The following FAM110B variants were observed in gnomAD, a reference collection of about 807,000 sequenced individuals.
FAM110B encodes the protein protein FAM110B.
In FAM110B, 6 loss-of-function variants were observed where a neutral mutation model predicts 20.4. The ratio of observed to expected loss-of-function variants is 0.29; its 90% CI spans 0.16 to 0.58. FAM110B has a LOEUF of 0.58. Among genes scored for constraint, FAM110B ranks in the 20% least tolerant of loss-of-function variants. The probability of loss-of-function intolerance (pLI) is 0.90; values close to 1 mark genes in which losing one functional copy is unlikely to be tolerated. For missense variants in FAM110B, 434 were observed against 498.2 expected (o/e 0.87, Z 1.23); for synonymous variants, 226 against 214.1 (o/e 1.06, Z -0.49).
chr8:58,138,546 C>A (rs750360055), intron 3 of FAM110B, among the ~76,000 whole-genome samples: 3 of 152,112 alleles, frequency 2.0e-5, no homozygotes, highest in Non-Finnish European at 4.4e-5. Context: ...TTGAATTCAG[C>A]CCCAGCCAGT....
intron 3 of FAM110B, among the ~76,000 whole-genome samples, chr8:58,110,421 T>C (rs1807031747): frequency 6.6e-6 from 1 of 152,186 alleles, no homozygotes; most frequent in East Asian, 1.9e-4. Context: ...AAAATTTAAA[T>C]TTCTTCTTTG....
chr8:58,080,429 G>A (rs1806161384), intron 3 of FAM110B, among the ~76,000 whole-genome samples: 1 of 152,220 alleles, frequency 6.6e-6, no homozygotes. Flanking sequence ...ACAGGTGAAA[G>A]AGAGGAGATT....
At chr8:58,047,596 CT>C (rs1415953249) in intron 2 of FAM110B, among the ~76,000 whole-genome samples, 39 of 114,334 alleles carry the variant, frequency 3.4e-4, no homozygotes, top group African/African-American at 1.9e-3. Flanking sequence ...TTTTTCCTCT[CT>C]CTCTCTCTCT....
At chr8:58,097,143 A>C (rs192502001) in intron 3 of FAM110B, among the ~76,000 whole-genome samples, 1 of 152,070 alleles carries the variant, frequency 6.6e-6, no homozygotes, top group Non-Finnish European at 1.5e-5. Context: ...GTGTTTTCCA[A>C]CTTGGTTCCA....
At chr8:58,010,065 G>A (rs1804496874) in intron 1 of FAM110B, among the ~76,000 whole-genome samples, 1 of 152,254 alleles carries the variant, frequency 6.6e-6, no homozygotes. Context: ...CATCCAGGCT[G>A]GAGTGCAGTG....
chr8:58,002,765 C>T (rs1482676383), intron 1 of FAM110B, among the ~76,000 whole-genome samples: 1 of 152,184 alleles, frequency 6.6e-6, no homozygotes, highest in East Asian at 1.9e-4. Flanking sequence ...AATTAAAATA[C>T]TTTATTGCTA....
chr8:58,015,210 A>G (rs1477106821), intron 1 of FAM110B, among the ~76,000 whole-genome samples: 1 of 152,058 alleles, frequency 6.6e-6, no homozygotes, highest in Non-Finnish European at 1.5e-5. Flanking sequence ...ACAAAAAATT[A>G]GCTGGGCATG....
intron 3 of FAM110B, among the ~76,000 whole-genome samples, chr8:58,098,000 C>T (rs916702092): frequency 2.0e-5 from 3 of 152,196 alleles, no homozygotes; most frequent in African/African-American, 4.8e-5. Flanking sequence ...TGACTGTCCC[C>T]CAGTCAGGAG....
At chr8:57,996,528 T>G (rs1350782426) in intron 1 of FAM110B, among the ~76,000 whole-genome samples, 1 of 152,218 alleles carries the variant, frequency 6.6e-6, no homozygotes, top group African/African-American at 2.4e-5. Flanking sequence ...GAGGGTTGAT[T>G]TAATTCATCT....
intron 1 of FAM110B, among the ~76,000 whole-genome samples, chr8:58,002,698 T>G (rs1338784621): frequency 6.6e-6 from 1 of 152,236 alleles, no homozygotes; most frequent in Non-Finnish European, 1.5e-5. Flanking sequence ...GCTTAAACTA[T>G]ACTGTAGTCT....
At chr8:58,022,956 G>A (rs1487967969) in intron 1 of FAM110B, among the ~76,000 whole-genome samples, 1 of 152,182 alleles carries the variant, frequency 6.6e-6, no homozygotes, top group Admixed American at 6.5e-5. Context: ...CTTTCAAACA[G>A]ATTATATGAG....
At chr8:58,020,800 A>G (rs1453684670) in intron 1 of FAM110B, among the ~76,000 whole-genome samples, 1 of 152,178 alleles carries the variant, frequency 6.6e-6, no homozygotes, top group African/African-American at 2.4e-5. Flanking sequence ...TTGTTCTTCT[A>G]GCATCCAATC....
At chr8:58,085,890 A>G (rs1380217551) in intron 3 of FAM110B, among the ~76,000 whole-genome samples, 3 of 152,224 alleles carry the variant, frequency 2.0e-5, no homozygotes, top group African/African-American at 4.8e-5. Context: ...AATGGAATTA[A>G]TATAAACCTG....
chr8:58,014,222 C>A (rs1338282463), intron 1 of FAM110B, among the ~76,000 whole-genome samples: 5 of 152,116 alleles, frequency 3.3e-5, no homozygotes, highest in Non-Finnish European at 7.4e-5. Flanking sequence ...CTCTGCCTAG[C>A]GGGAATCAGT....
At chr8:58,143,900 A>G (rs1803797213) in intron 3 of FAM110B, among the ~76,000 whole-genome samples, 1 of 152,224 alleles carries the variant, frequency 6.6e-6, no homozygotes, top group Admixed American at 6.5e-5. Flanking sequence ...GCGTTGGCCT[A>G]AGAACAGTCA....
At chr8:58,139,101 A>G (rs1423187971) in intron 3 of FAM110B, among the ~76,000 whole-genome samples, 3 of 152,278 alleles carry the variant, frequency 2.0e-5, no homozygotes, top group Admixed American at 1.3e-4. Context: ...GCAAGAGGAT[A>G]CTTTATTAAA....
intron 3 of FAM110B, among the ~76,000 whole-genome samples, chr8:58,098,552 C>T (rs1024163928): frequency 5.3e-5 from 8 of 152,100 alleles, no homozygotes; most frequent in South Asian, 2.1e-4. Context: ...GGGGAGTGAA[C>T]GGTTCTGTCT....
intron 3 of FAM110B, among the ~76,000 whole-genome samples, chr8:58,085,962 T>C (rs774912006): frequency 2.6e-5 from 4 of 152,228 alleles, no homozygotes; most frequent in Non-Finnish European, 5.9e-5. Context: ...CTTTCCAAAA[T>C]GTTTTCTGAT....
chr8:58,012,768 G>A (rs998842906), intron 1 of FAM110B, among the ~76,000 whole-genome samples: 5 of 152,200 alleles, frequency 3.3e-5, no homozygotes, highest in African/African-American at 7.2e-5. Flanking sequence ...TCACACTTTA[G>A]TAACAGGGAC....
Sources: gnomAD v4.1 joint callset for allele counts (sites outside exome capture counted in the v4.1 genomes callset) on GRCh38, gnomAD v4.1.1 for gene constraint, MANE v1.5 for transcripts, NCBI Gene and HGNC (gene_info 2026-07-23, HGNC 2026-07-21) for gene names.